The following SMIM33 variants were observed in gnomAD, a reference collection of about 807,000 sequenced individuals.
The protein encoded by SMIM33 is small integral membrane protein 33.
At chr5:139,472,452 G>A (rs1340752491) in intron 1 of SMIM33, 80 bp from the exon 2 acceptor site, 2 of 398,746 alleles carry the variant, frequency 5.0e-6, no homozygotes, top group Non-Finnish European at 8.9e-6. Flanking sequence ...GTTCCTTTGG[G>A]TGTTTGTCTC....
At chr5:139,471,429 G>A in intron 1 of SMIM33, among the ~76,000 whole-genome samples, 1 of 152,178 alleles carries the variant, frequency 6.6e-6, no homozygotes, top group Non-Finnish European at 1.5e-5. Context: ...GGAGGGCCAT[G>A]CTGAGAGTGC....
intron 1 of SMIM33, among the ~76,000 whole-genome samples, chr5:139,471,739 C>T (rs1420899451): frequency 2.0e-5 from 3 of 152,104 alleles, no homozygotes; most frequent in Non-Finnish European, 2.9e-5. Context: ...CAGGAGTCCA[C>T]ACTGGGCACC....
chr5:139,472,219 G>C (rs1037575190), intron 1 of SMIM33, among the ~76,000 whole-genome samples: 2 of 152,090 alleles, frequency 1.3e-5, no homozygotes, highest in Non-Finnish European at 2.9e-5. Flanking sequence ...GTCTCTGTCT[G>C]TATCTTTATT....
In SMIM33 at chr5:139,473,160, C is replaced by T. The variant is rs2152092392; in HGVS notation, c.*239C>T. The T allele has an allele frequency of 5.4e-6, 2 of 371,144 alleles. No individual in the cohort carries two copies. The highest frequency in any genetic ancestry group is 4.8e-6 in the Non-Finnish European group (1 of 209,012). The allele number at this position is 371,144 out of a possible 1,614,324, so 23.0% of individuals were successfully genotyped here. A position where few individuals can be genotyped will look rare whatever the true frequency, so the allele number is the denominator to read the frequency against. On this transcript the variant is annotated 3_prime_UTR_variant, in exon 2 of 2. Transcript: ENST00000637503. ...GGGCCTTCCCAGGGCCCAAGGCCAC[C>T]TCACAAAGTCCCTCCCTCCTCTTCA...
In SMIM33 at chr5:139,472,969, C is replaced by A; in HGVS notation, c.*48C>A. The A allele has an allele frequency of 2.5e-6, 1 of 399,538 alleles. No homozygotes were observed. Among genetic ancestry groups the A allele is most frequent in the South Asian group, 1.3e-4 (1 of 7,714 alleles). 24.7% of individuals were successfully genotyped at this position (399,538 alleles called of 1,614,324 possible). On this transcript the variant is annotated 3_prime_UTR_variant, in exon 2 of 2. Transcript: ENST00000637503. Reference sequence around the variant, plus strand: ...CCTGACCTAGCTCAGAACAAGAAACCGGGCAGAGAACTAGGGCAAAAGCAA... The same window carrying A: ...CCTGACCTAGCTCAGAACAAGAAACAGGGCAGAGAACTAGGGCAAAAGCAA...
Position 139,473,137 on chromosome 5 carries a change from G to A in SMIM33, c.*216G>A, listed in dbSNP as rs1751565391. 4 of 383,790 alleles carry A rather than the reference G, an allele frequency of 1.0e-5. No homozygotes were observed. The allele number at this position is 383,790 out of a possible 1,614,324, so 23.8% of individuals were successfully genotyped here. ...CCTGCCCAGAAACATGCTGCGGGGG[G>A]CCTTCCCAGGGCCCAAGGCCACCTC... On this transcript the variant is annotated 3_prime_UTR_variant, in exon 2 of 2. Coordinates refer to ENST00000637503, the MANE Select transcript of SMIM33 (RefSeq NM_001365197.1).
chr5:139,471,859 C>CTCTA (rs1487528626), intron 1 of SMIM33, among the ~76,000 whole-genome samples: 2 of 152,176 alleles, frequency 1.3e-5, no homozygotes, highest in Non-Finnish European at 2.9e-5. Context: ...TCCCCTCTAC[C>CTCTA]TCTACCTCTA....
intron 1 of SMIM33, among the ~76,000 whole-genome samples, chr5:139,471,995 G>T (rs149694602): frequency 5.3e-5 from 8 of 152,288 alleles, no homozygotes; most frequent in African/African-American, 1.9e-4. Context: ...TCTGCCCACT[G>T]CCTAGGATGT....
chr5:139,472,148 A>T (rs1751544787), intron 1 of SMIM33, among the ~76,000 whole-genome samples: 1 of 152,208 alleles, frequency 6.6e-6, no homozygotes, highest in Middle Eastern at 3.2e-3. Context: ...TGATGAAGCC[A>T]GCACTCTCTT....
chr5:139,471,637 G>A (rs892758379), intron 1 of SMIM33, among the ~76,000 whole-genome samples: 1 of 152,062 alleles, frequency 6.6e-6, no homozygotes. Flanking sequence ...ACAGGGGTAC[G>A]GATCGTGACC....
chr5:139,472,986 C>A lies in SMIM33; in HGVS notation c.*65C>A, dbSNP rs1023373863. 7.5e-5 allele frequency: 30 copies of A among 398,804 alleles called. No individual in the cohort carries two copies. The East Asian group carries it at 1.0e-3, about 14-fold the overall frequency. 24.7% of individuals were successfully genotyped at this position (398,804 alleles called of 1,614,324 possible). A position where few individuals can be genotyped will look rare whatever the true frequency, so the allele number is the denominator to read the frequency against. ...CAAGAAACCGGGCAGAGAACTAGGG[C>A]AAAAGCAAATTGGAGCCTGGGCATC... On this transcript the variant is annotated 3_prime_UTR_variant, in exon 2 of 2. Coordinates refer to ENST00000637503, the MANE Select transcript of SMIM33 (RefSeq NM_001365197.1).
intron 1 of SMIM33, among the ~76,000 whole-genome samples, 177 bp from the exon 2 acceptor site, chr5:139,472,346 CCTCTGTATT>C (rs1457433901): frequency 2.0e-5 from 3 of 151,976 alleles, no homozygotes; most frequent in African/African-American, 7.3e-5. Context: ...ATGTGGTTTA[CCTCTGTATT>C]CTCTGCCTCT....
chr5:139,472,951 T>C lies in SMIM33; in HGVS notation c.*30T>C, dbSNP rs1751560272. On this transcript the variant is annotated 3_prime_UTR_variant, in exon 2 of 2. Transcript: ENST00000637503. ...GAGACTTTGGAGAGTTAGCCTGACC[T>C]AGCTCAGAACAAGAAACCGGGCAGA... is the stretch of plus-strand genomic sequence containing the variant. The C allele has an allele frequency of 2.5e-6, 1 of 400,172 alleles. No individual in the cohort carries two copies. Among genetic ancestry groups the C allele is most frequent in the South Asian group, 1.3e-4 (1 of 7,896 alleles). 24.8% of individuals were successfully genotyped at this position (400,172 alleles called of 1,614,324 possible).
At position 139,473,325 on chromosome 5, in the gene SMIM33, A is replaced by C; in HGVS notation, c.*404A>C. On this transcript the variant is annotated 3_prime_UTR_variant, in exon 2 of 2. Coordinates refer to ENST00000637503, the MANE Select transcript of SMIM33 (RefSeq NM_001365197.1). ...CCCGTGGAGAGGCCCTCATCCTACA[A>C]AGGCCAGCCAGGGAGAGCCCAGGCG... 1.3e-5 allele frequency: 2 copies of C among 154,996 alleles called. No homozygotes were observed. Among genetic ancestry groups the C allele is most frequent in the Non-Finnish European group, 2.9e-5 (2 of 70,122 alleles). The allele number at this position is 154,996 out of a possible 1,614,324, so 9.6% of individuals were successfully genotyped here. A position where few individuals can be genotyped will look rare whatever the true frequency, so the allele number is the denominator to read the frequency against.
chr5:139,471,480 A>G lies in SMIM33; in HGVS notation c.9+350A>G, dbSNP rs1323632720. 2.6e-5 allele frequency among the ~76,000 whole-genome samples: 4 copies of G among 152,186 alleles called. No homozygotes were observed. In the East Asian group the frequency reaches 7.7e-4, roughly 29 times the overall value. On this transcript the variant is annotated intron_variant, in intron 1 of 1. Transcript: ENST00000637503. ...GGCTCCACCCGCTAAGATTTGTTCCAGGATGGCCCATCTGGGAAGGGGAAG... is the reference window on the plus strand; with the variant it reads ...GGCTCCACCCGCTAAGATTTGTTCCGGGATGGCCCATCTGGGAAGGGGAAG...
chr5:139,471,835 C>T (rs1751541010), intron 1 of SMIM33, among the ~76,000 whole-genome samples: 1 of 152,164 alleles, frequency 6.6e-6, no homozygotes, highest in African/African-American at 2.4e-5. Flanking sequence ...ATCCCCCTGC[C>T]TTCTAAGTTC....
At position 139,472,884 on chromosome 5, in the gene SMIM33, G is replaced by C; in HGVS notation, c.362G>C (p.Gly121Ala). ...LVPGSCPAPD[G>A]PRPSIDEVTC... ...CCTGGCTCCTGCCCTGCGCCAGATG[G>C]ACCCAGGCCCAGCATCGATGAAGTC... Residue 121 changes from glycine to alanine, a missense_variant, in exon 2 of 2, where the codon GGA becomes GCA. Gly to Ala is a moderately conservative substitution (Grantham distance 60, BLOSUM62 0). Coordinates refer to ENST00000637503, the MANE Select transcript of SMIM33 (RefSeq NM_001365197.1). The C allele has an allele frequency of 2.5e-6, 1 of 400,878 alleles. No individual in the cohort carries two copies. Among genetic ancestry groups the C allele is most frequent in the Non-Finnish European group, 4.4e-6 (1 of 226,304 alleles). 24.8% of individuals were successfully genotyped at this position (400,878 alleles called of 1,614,324 possible). A position where few individuals can be genotyped will look rare whatever the true frequency, so the allele number is the denominator to read the frequency against.
intron 1 of SMIM33, 120 bp from the exon 2 acceptor site, chr5:139,472,412 G>A (rs550166934): frequency 1.9e-4 from 75 of 397,812 alleles, no homozygotes; most frequent in Admixed American, 1.6e-3. Flanking sequence ...TTTGTCTCTG[G>A]TCCCTCCCGC....
chr5:139,472,115 G>A (rs1751544272), intron 1 of SMIM33, among the ~76,000 whole-genome samples: 2 of 152,154 alleles, frequency 1.3e-5, no homozygotes, highest in South Asian at 4.1e-4. Flanking sequence ...AACTTGGGGG[G>A]CCAAACTGTA....
Sources: gnomAD v4.1 joint callset for allele counts (sites outside exome capture counted in the v4.1 genomes callset) on GRCh38, gnomAD v4.1.1 for gene constraint, MANE v1.5 for transcripts, NCBI Gene and HGNC (gene_info 2026-07-23, HGNC 2026-07-21) for gene names.